Variants in SLC24A2 observed in about 807,000 individuals in gnomAD.
The protein encoded by SLC24A2 is sodium/potassium/calcium exchanger 2.
SLC24A2 carries 36 observed loss-of-function variants against 62.0 expected under a neutral mutation model. The observed-to-expected ratio is 0.58, with a 90% CI of 0.44 to 0.77. The LOEUF (loss-of-function observed/expected upper bound fraction) is 0.77. SLC24A2 is among the 30% of genes least tolerant of loss of function. SLC24A2 has a pLI of 0.00. For synonymous variants in SLC24A2, 358 were observed against 294.0 expected, an observed-to-expected ratio of 1.22 and a Z score of -2.23; for missense variants, 846 against 817.9, an observed-to-expected ratio of 1.03 and a Z score of -0.42.
the SLC24A2 span, among the ~76,000 whole-genome samples, chr9:20,136,938 G>A: frequency 6.6e-6 from 1 of 152,048 alleles, no homozygotes. Flanking sequence ...GTGGAGATGG[G>A]CAAATTGAGT....
At chr9:19,651,230 A>G (rs1201859276) in intron 2 of SLC24A2, among the ~76,000 whole-genome samples, 1 of 152,206 alleles carries the variant, frequency 6.6e-6, no homozygotes, top group East Asian at 1.9e-4. Context: ...AATTATAAAG[A>G]TGCGAATACT....
intron 4 of SLC24A2, among the ~76,000 whole-genome samples, chr9:19,601,547 C>T (rs907467136): frequency 7.9e-5 from 12 of 152,102 alleles, no homozygotes; most frequent in Non-Finnish European, 1.5e-4. Flanking sequence ...AGAGAGACCA[C>T]GAACCCACCG....
chr9:20,104,528 G>A, the SLC24A2 span, among the ~76,000 whole-genome samples: 1 of 152,234 alleles, frequency 6.6e-6, no homozygotes, highest in Non-Finnish European at 1.5e-5. Flanking sequence ...AGCCAGAAGA[G>A]AGTGGGGGCC....
chr9:19,844,276 T>C, the SLC24A2 span, among the ~76,000 whole-genome samples: 9,531 of 152,272 alleles, frequency 0.063, 442 homozygotes, highest in East Asian at 0.21. Context: ...TCAATGACGT[T>C]GAACATTTTT....
the SLC24A2 span, among the ~76,000 whole-genome samples, chr9:20,176,863 G>A: frequency 1.3e-5 from 2 of 152,024 alleles, no homozygotes; most frequent in Non-Finnish European, 2.9e-5. Context: ...AAAAGCTTTA[G>A]AATTCTGAGA....
At chr9:20,031,228 CCT>C in the SLC24A2 span, among the ~76,000 whole-genome samples, 8 of 149,080 alleles carry the variant, frequency 5.4e-5, no homozygotes, top group South Asian at 2.1e-4. Flanking sequence ...ACACACACAC[CCT>C]GTGTGTGTGT....
intron 4 of SLC24A2, among the ~76,000 whole-genome samples, chr9:19,609,760 A>G (rs1042153057): frequency 1.6e-4 from 24 of 152,242 alleles, no homozygotes; most frequent in South Asian, 8.3e-4. Context: ...GCTTTTGTGG[A>G]AGACAATTTT....
the SLC24A2 span, among the ~76,000 whole-genome samples, chr9:19,953,395 GA>G: frequency 1.3e-5 from 2 of 152,002 alleles, no homozygotes; most frequent in African/African-American, 4.8e-5. Flanking sequence ...GCAGATCTGA[GA>G]AACACACATG....
intron 2 of SLC24A2, among the ~76,000 whole-genome samples, chr9:19,738,220 T>C (rs1006053732): frequency 6.6e-6 from 1 of 152,222 alleles, no homozygotes; most frequent in African/African-American, 2.4e-5. Context: ...TCTTCTTTCA[T>C]GGAAAAGCAG....
At chr9:19,519,440 G>C (rs897491280) in intron 10 of SLC24A2, among the ~76,000 whole-genome samples, 3 of 151,826 alleles carry the variant, frequency 2.0e-5, no homozygotes, top group African/African-American at 7.3e-5. Flanking sequence ...ATACTATAGA[G>C]CATTACTATT....
At chr9:20,164,275 C>G in the SLC24A2 span, among the ~76,000 whole-genome samples, 5 of 151,254 alleles carry the variant, frequency 3.3e-5, no homozygotes, top group East Asian at 9.8e-4. Flanking sequence ...TGAACTCAAA[C>G]AAATTTACAA....
At chr9:20,013,951 G>A in the SLC24A2 span, among the ~76,000 whole-genome samples, 2 of 152,214 alleles carry the variant, frequency 1.3e-5, no homozygotes, top group African/African-American at 2.4e-5. Context: ...GTTCATGCCT[G>A]TTATCCTAGC....
intron 3 of SLC24A2, 46 bp from the exon 4 acceptor site, chr9:19,619,738 C>A: frequency 7.0e-7 from 1 of 1,419,288 alleles, no homozygotes; most frequent in Non-Finnish European, 1.0e-6. Context: ...GAATGAAAGA[C>A]AAGTGCATTA....
chr9:19,812,752 T>TAATTTTATCTCCTTCCAGAA, the SLC24A2 span, among the ~76,000 whole-genome samples: 1 of 146,254 alleles, frequency 6.8e-6, no homozygotes, highest in South Asian at 2.3e-4. Flanking sequence ...AGCCTCCAGA[T>TAATTTTATCTCCTTCCAGAA]AATTTTATCT....
the SLC24A2 span, among the ~76,000 whole-genome samples, chr9:20,129,297 T>C: frequency 6.6e-6 from 1 of 152,124 alleles, no homozygotes; most frequent in South Asian, 2.1e-4. Flanking sequence ...AAAAGTGAGT[T>C]GGTGAAGACA....
the SLC24A2 span, among the ~76,000 whole-genome samples, chr9:19,986,394 A>G: frequency 1.4e-5 from 2 of 138,288 alleles, no homozygotes; most frequent in Non-Finnish European, 3.2e-5. Flanking sequence ...AAAGTTAAGT[A>G]TAGGATGACC....
chr9:20,031,648 G>T, the SLC24A2 span, among the ~76,000 whole-genome samples: 23 of 152,100 alleles, frequency 1.5e-4, 1 homozygote, highest in Non-Finnish European at 5.9e-5. Context: ...GAGATGAGCT[G>T]TAAAAGGTGT....
In SLC24A2 at chr9:19,544,896, T is replaced by G. The variant is rs193041628; in HGVS notation, c.1479+5241A>C. Among the ~76,000 whole-genome samples, 698 of 152,320 alleles carry G rather than the reference T, an allele frequency of 4.6e-3. 7 individuals carry two copies. The highest frequency in any genetic ancestry group is 5.6e-3 in the Non-Finnish European group (378 of 68,034). On this transcript the variant is annotated intron_variant, in intron 8 of 10. Coordinates refer to ENST00000341998, the MANE Select transcript of SLC24A2 (RefSeq NM_020344.4). ...TTTCAACTTTGGTGAATCTGATGAT[T>G]ATGTGTCTTGGGGTTGCTCTTCTCA...
At chr9:19,735,715 G>A (rs1250362761) in intron 2 of SLC24A2, among the ~76,000 whole-genome samples, 1 of 152,102 alleles carries the variant, frequency 6.6e-6, no homozygotes, top group Non-Finnish European at 1.5e-5. Flanking sequence ...GTAGGGACAT[G>A]GATGAAGCTG....
Sources: allele counts gnomAD v4.1 joint callset (sites outside exome capture counted in the v4.1 genomes callset), GRCh38; gene constraint gnomAD v4.1.1; transcripts MANE v1.5; gene names NCBI Gene and HGNC (gene_info 2026-07-23, HGNC 2026-07-21).